Variants in PHB2 observed in about 807,000 individuals in gnomAD.
The protein encoded by PHB2 is prohibitin-2.
A neutral mutation model predicts 46.4 loss-of-function variants in PHB2; 22 were observed. The observed-to-expected ratio is 0.47, with a 90% CI of 0.34 to 0.68. The LOEUF is 0.68. PHB2 is among the 30% of genes least tolerant of loss of function. The pLI is 0.01. For missense variants in PHB2, 305 were observed against 382.8 expected (o/e 0.80, Z 1.70); for synonymous variants, 156 against 150.5 (o/e 1.04, Z -0.27).
chr12:6,965,613 C>T lies in PHB2; in HGVS notation c.*72G>A. 1 of 1,287,436 alleles carries T rather than the reference C, an allele frequency of 7.8e-7. No homozygotes were observed. 79.8% of individuals were successfully genotyped at this position (1,287,436 alleles called of 1,614,324 possible). ...GGGGCGGGGTAGGGCTGTGCTGGAC[C>T]CCTGGCTGGCTCCTCAAAAACTGGA... On this transcript the variant is annotated 3_prime_UTR_variant, in exon 10 of 10. Coordinates refer to ENST00000535923, the MANE Select transcript of PHB2 (RefSeq NM_001144831.2).
At chr12:6,966,869 T>C (rs1447041426) in intron 7 of PHB2, among the ~76,000 whole-genome samples, 1 of 152,200 alleles carries the variant, frequency 6.6e-6, no homozygotes, top group East Asian at 1.9e-4. Flanking sequence ...CTCAGCCTCC[T>C]GCGTAGCTGG....
intron 1 of PHB2, 53 bp downstream of exon 1, chr12:6,970,364 G>C: frequency 6.2e-7 from 1 of 1,604,818 alleles, no homozygotes; most frequent in East Asian, 2.2e-5. Context: ...GACAGGGCAA[G>C]GGGTTTGGGG....
At chr12:6,966,106 A>G (rs1322479040) in intron 8 of PHB2, among the ~76,000 whole-genome samples, 190 bp from the exon 9 acceptor site, 1 of 152,210 alleles carries the variant, frequency 6.6e-6, no homozygotes, top group African/African-American at 2.4e-5. Flanking sequence ...GCTATTTCTC[A>G]TCTCCTTTCC....
chr12:6,969,870 G>A, intron 2 of PHB2: 1 of 557,094 alleles, frequency 1.8e-6, no homozygotes. Flanking sequence ...CTGCACTCCA[G>A]CCTGGGCGAC....
chr12:6,968,755 G>T lies in PHB2; in HGVS notation c.293-160C>A, dbSNP rs781858446. ...AGGCTGACAAGGAAGACAAGACGCA[G>T]CACAGCTGAAATGCACCCTCACCCA... is the stretch of plus-strand genomic sequence containing the variant. On this transcript the variant is annotated intron_variant, in intron 3 of 9. Transcript: ENST00000535923. The T allele has an allele frequency of 7.1e-4, 483 of 679,662 alleles. 7 individuals carry two copies. Among genetic ancestry groups the T allele is most frequent in the South Asian group, 6.8e-3 (432 of 63,760 alleles). The allele number at this position is 679,662 out of a possible 1,614,324, so 42.1% of individuals were successfully genotyped here.
intron 2 of PHB2, 139 bp downstream of exon 2, chr12:6,970,057 G>C: frequency 4.0e-6 from 3 of 744,100 alleles, no homozygotes; most frequent in Non-Finnish European, 2.4e-6. Context: ...GGTTCTCGCA[G>C]CACCCACTAT....
At chr12:6,966,022 G>C (rs1555150735) in intron 8 of PHB2, 106 bp from the exon 9 acceptor site, 2 of 1,240,036 alleles carry the variant, frequency 1.6e-6, no homozygotes, top group Non-Finnish European at 2.3e-6. Flanking sequence ...TTGCTCCCAA[G>C]AGAAAAGATA....
Position 6,967,016 on chromosome 12 carries a change from G to A in PHB2, c.789+155C>T, listed in dbSNP as rs1319820339. Reference sequence around the variant, plus strand: ...CACCCACCTTGGCCTCCCAAAGTGCGGGGATTACATGCGTGAGCCACCGCG... The same window carrying A: ...CACCCACCTTGGCCTCCCAAAGTGCAGGGATTACATGCGTGAGCCACCGCG... On this transcript the variant is annotated intron_variant, in intron 7 of 9. Transcript: ENST00000535923. The surrounding 1 kb of genome is among the most constrained non-coding windows in gnomAD (Gnocchi z 4.9). Among the ~76,000 whole-genome samples, 2 of 152,142 alleles carry A rather than the reference G, an allele frequency of 1.3e-5. No homozygotes were observed. Among genetic ancestry groups the A allele is most frequent in the Non-Finnish European group, 2.9e-5 (2 of 68,034 alleles).
upstream of PHB2, chr12:6,970,729 C>T (rs1946311094): frequency 2.1e-6 from 2 of 935,436 alleles, no homozygotes; most frequent in East Asian, 5.3e-5. Flanking sequence ...ACCCGAACTT[C>T]GCGCACAGGA....
chr12:6,970,485 C>T lies in PHB2; in HGVS notation c.59G>A (p.Gly20Asp). ...CCCCAGCAACAGCTTCAGGGCCGTG[C>T]CCATGCCCCGGGGCCCGGCGGGCAG... The part of the protein sequence containing the change: ...GRLPAGPRGM[G>D]TALKLLLGAG... Residue 20 changes from glycine (G) to aspartate (D), a missense_variant, in exon 1 of 10, where the codon GGC becomes GAC. Physicochemically the swap from Gly to Asp is moderately conservative, Grantham distance 94. Transcript: ENST00000535923. The T allele has an allele frequency of 3.7e-6, 6 of 1,605,524 alleles. No homozygotes were observed. Among genetic ancestry groups the T allele is most frequent in the Non-Finnish European group, 4.2e-6 (5 of 1,178,816 alleles).
In PHB2 at chr12:6,967,114, A is replaced by T; in HGVS notation, c.789+57T>A. The T allele has an allele frequency of 7.2e-7, 1 of 1,381,410 alleles. No homozygotes were observed. The highest frequency in any genetic ancestry group is 1.0e-6 in the Non-Finnish European group (1 of 993,488). 85.6% of individuals were successfully genotyped at this position (1,381,410 alleles called of 1,614,324 possible). On this transcript the variant is annotated intron_variant, in intron 7 of 9. Transcript: ENST00000535923. This position sits in a 1 kb window ranked among gnomAD's most constrained non-coding sequence, Gnocchi z 4.9. Reference sequence around the variant, plus strand: ...GAATTCCCTCACCTCAATGTGCCTTAACTGAAAGCACTTTCTCAAGGCAGC... The same window carrying T: ...GAATTCCCTCACCTCAATGTGCCTTTACTGAAAGCACTTTCTCAAGGCAGC...
At position 6,970,613 on chromosome 12, in the gene PHB2, T is replaced by G; in HGVS notation, c.-70A>C. 6.6e-7 allele frequency: 1 copy of G among 1,522,620 alleles called. No individual in the cohort carries two copies. Among genetic ancestry groups the G allele is most frequent in the Non-Finnish European group, 8.8e-7 (1 of 1,132,714 alleles). 94.3% of individuals were successfully genotyped at this position (1,522,620 alleles called of 1,614,324 possible). A position where few individuals can be genotyped will look rare whatever the true frequency, so the allele number is the denominator to read the frequency against. On this transcript the variant is annotated 5_prime_UTR_variant, in exon 1 of 10. Coordinates refer to ENST00000535923, the MANE Select transcript of PHB2 (RefSeq NM_001144831.2). ...CGGCCCGCCTCTACCCCGCTCCGGC[T>G]TAGGTACTGCACCCTTCACACGAGG... is the stretch of plus-strand genomic sequence containing the variant.
intron 3 of PHB2, among the ~76,000 whole-genome samples, chr12:6,968,976 C>A (rs1307997035): frequency 6.6e-6 from 1 of 152,142 alleles, no homozygotes; most frequent in Non-Finnish European, 1.5e-5. Context: ...GAATAAGCGA[C>A]CTGCACTAGG....
rs1213709498 is a variant in PHB2 at position 6,970,125 on chromosome 12, C to CCAGT, written c.212+70_212+71insACTG. 1.8e-4 allele frequency: 205 copies of CCAGT among 1,119,310 alleles called. No homozygotes were observed. In the Middle Eastern group the frequency reaches 5.1e-3, roughly 28 times the overall value. The allele number at this position is 1,119,310 out of a possible 1,614,324, so 69.3% of individuals were successfully genotyped here. On this transcript the variant is annotated intron_variant, in intron 2 of 9. Coordinates refer to ENST00000535923, the MANE Select transcript of PHB2 (RefSeq NM_001144831.2). ...AGCAGCGTTGAATCCTGTTGCACGTCCGACTATAGCCACTGCTGGGTCGGC... is the reference window on the plus strand; with the variant it reads ...AGCAGCGTTGAATCCTGTTGCACGTCCAGTCGACTATAGCCACTGCTGGGTCGGC...
intron 8 of PHB2, 83 bp downstream of exon 8, chr12:6,966,341 C>G (rs782537689): frequency 1.8e-5 from 15 of 851,264 alleles, no homozygotes; most frequent in Non-Finnish European, 3.1e-5. Context: ...ATATGAATAG[C>G]TGTAGCAGGC....
chr12:6,969,376 T>C lies in PHB2; in HGVS notation c.292+122A>G, dbSNP rs782478997. 2.1e-4 allele frequency: 117 copies of C among 547,026 alleles called. 10 individuals carry two copies. In the South Asian group the frequency reaches 3.8e-3, roughly 18 times the overall value. 33.9% of individuals were successfully genotyped at this position (547,026 alleles called of 1,614,324 possible). On this transcript the variant is annotated intron_variant, in intron 3 of 9. Transcript: ENST00000535923. ...GACCCCAGGAGGCAGGTATTTTTGT[T>C]ACAGCTCTTGCAGATGTGGAAAGAG... is the stretch of plus-strand genomic sequence containing the variant.
chr12:6,967,635 G>T lies in PHB2; in HGVS notation c.711+41C>A. ...ATGAAGGAGAATGGGGAACTCAGGTGCCCTAGGGGCTGGGCTGAGATCTCT... is the reference window on the plus strand; with the variant it reads ...ATGAAGGAGAATGGGGAACTCAGGTTCCCTAGGGGCTGGGCTGAGATCTCT... On this transcript the variant is annotated intron_variant, in intron 6 of 9. Coordinates refer to ENST00000535923, the MANE Select transcript of PHB2 (RefSeq NM_001144831.2). This position sits in a 1 kb window ranked among gnomAD's most constrained non-coding sequence, Gnocchi z 4.9. 1 of 1,494,512 alleles carries T rather than the reference G, an allele frequency of 6.7e-7. No homozygotes were observed. Among genetic ancestry groups the T allele is most frequent in the Non-Finnish European group, 9.3e-7 (1 of 1,072,194 alleles). The allele number at this position is 1,494,512 out of a possible 1,614,324, so 92.6% of individuals were successfully genotyped here. A position where few individuals can be genotyped will look rare whatever the true frequency, so the allele number is the denominator to read the frequency against.
chr12:6,966,535 A>G (rs782649434), intron 7 of PHB2, 35 bp from the exon 8 acceptor site: 6 of 1,358,518 alleles, frequency 4.4e-6, no homozygotes, highest in Non-Finnish European at 6.3e-6. Flanking sequence ...TGCTTGCATT[A>G]AGCAAAGACC....
chr12:6,970,622 G>T lies in PHB2; in HGVS notation c.-79C>A. The T allele has an allele frequency of 6.8e-7, 1 of 1,476,298 alleles. No homozygotes were observed. Among genetic ancestry groups the T allele is most frequent in the South Asian group, 1.3e-5 (1 of 76,718 alleles). The allele number at this position is 1,476,298 out of a possible 1,614,324, so 91.4% of individuals were successfully genotyped here. ...TCTACCCCGCTCCGGCTTAGGTACTGCACCCTTCACACGAGGGTTCGGGCC... is the reference window on the plus strand; with the variant it reads ...TCTACCCCGCTCCGGCTTAGGTACTTCACCCTTCACACGAGGGTTCGGGCC... On this transcript the variant is annotated 5_prime_UTR_variant, in exon 1 of 10. Coordinates refer to ENST00000535923, the MANE Select transcript of PHB2 (RefSeq NM_001144831.2).
Sources: allele counts gnomAD v4.1 joint callset (sites outside exome capture counted in the v4.1 genomes callset), GRCh38; gene constraint gnomAD v4.1.1; non-coding constraint Gnocchi (gnomAD v3.1); transcripts MANE v1.5; gene names NCBI Gene and HGNC (gene_info 2026-07-23, HGNC 2026-07-21).